The following SKAP2 variants were observed in gnomAD, a reference collection of about 807,000 sequenced individuals.
The protein encoded by SKAP2 is src kinase-associated phosphoprotein 2.
SKAP2 carries 28 observed loss-of-function variants against 54.9 expected under a neutral mutation model. The observed-to-expected ratio is 0.51, with a 90% CI of 0.38 to 0.70. SKAP2 has a LOEUF of 0.70. Among genes scored for constraint, SKAP2 ranks in the 30% least tolerant of loss-of-function variants. The pLI is 0.00. For missense variants in SKAP2, 356 were observed against 424.1 expected (o/e 0.84, Z 1.41); for synonymous variants, 137 against 134.3 (o/e 1.02, Z -0.14).
chr7:26,841,841 A>G lies in SKAP2; in HGVS notation c.307+2189T>C, dbSNP rs571955455. On this transcript the variant is annotated intron_variant, in intron 4 of 12. Coordinates refer to ENST00000345317, the MANE Select transcript of SKAP2 (RefSeq NM_003930.5). The stretch of plus-strand genomic sequence containing the variant: ...TAGATACTTTCTTAGTGCCTTCCAT[A>G]AGGTAAAAGTCAAAAGGACAAAACA... 3.3e-5 allele frequency among the ~76,000 whole-genome samples: 5 copies of G among 152,126 alleles called. No individual in the cohort carries two copies. The South Asian group carries it at 1.0e-3, about 32-fold the overall frequency.
intron 4 of SKAP2, among the ~76,000 whole-genome samples, chr7:26,760,716 CCTCAGATAAGGG>C (rs1408598623): frequency 6.6e-6 from 1 of 152,086 alleles, no homozygotes; most frequent in Non-Finnish European, 1.5e-5. Context: ...AGAAGCAAAA[CCTCAGATAAGGG>C]GTGACTACTG....
At chr7:26,730,310 C>T (rs906617127) in intron 6 of SKAP2, among the ~76,000 whole-genome samples, 1 of 152,070 alleles carries the variant, frequency 6.6e-6, no homozygotes, top group African/African-American at 2.4e-5. Flanking sequence ...TAGTAAAATG[C>T]CAATCAAATA....
intron 4 of SKAP2, among the ~76,000 whole-genome samples, chr7:26,797,437 G>A (rs569612174): frequency 2.9e-4 from 44 of 152,294 alleles, no homozygotes; most frequent in African/African-American, 1.0e-3. Context: ...GAATTCTCCC[G>A]GATCTTGTCC....
intron 4 of SKAP2, among the ~76,000 whole-genome samples, chr7:26,801,824 C>T (rs1339310973): frequency 6.6e-6 from 1 of 152,076 alleles, no homozygotes; most frequent in Non-Finnish European, 1.5e-5. Flanking sequence ...ATAATGAAAA[C>T]TATAAAATAC....
chr7:26,812,186 C>T (rs490366), intron 4 of SKAP2, among the ~76,000 whole-genome samples: 116,366 of 152,056 alleles, frequency 0.77, 44,835 homozygotes, highest in East Asian at 0.95. Flanking sequence ...TCTTTTCCCT[C>T]TTTTGGGCTC....
At chr7:26,727,094 G>A in intron 6 of SKAP2, 88 bp from the exon 7 acceptor site, 2 of 1,119,522 alleles carry the variant, frequency 1.8e-6, no homozygotes, top group Non-Finnish European at 2.5e-6. Context: ...TCAATTCTTG[G>A]AAATAACATT....
intron 4 of SKAP2, among the ~76,000 whole-genome samples, chr7:26,749,772 TAATAATAATA>T (rs1183289058): frequency 6.7e-6 from 1 of 148,842 alleles, no homozygotes; most frequent in East Asian, 2.0e-4. Context: ...ATAATAATAA[TAATAATAATA>T]ATAGGTCCTA....
the SKAP2 span, among the ~76,000 whole-genome samples, chr7:26,659,206 C>A: frequency 1.3e-5 from 2 of 152,236 alleles, no homozygotes; most frequent in East Asian, 3.9e-4. Context: ...GGCCTTAATT[C>A]TTTGTGTCTC....
At chr7:26,785,403 G>A (rs1783523792) in intron 4 of SKAP2, among the ~76,000 whole-genome samples, 1 of 152,078 alleles carries the variant, frequency 6.6e-6, no homozygotes, top group Admixed American at 6.6e-5. Flanking sequence ...AGCCAGGATG[G>A]TCTCGATCTC....
At chr7:26,842,127 A>G (rs949845191) in intron 4 of SKAP2, among the ~76,000 whole-genome samples, 4 of 151,808 alleles carry the variant, frequency 2.6e-5, no homozygotes, top group African/African-American at 9.7e-5. Context: ...TGATATTCTT[A>G]GAAGAAAATG....
downstream of SKAP2, among the ~76,000 whole-genome samples, chr7:26,663,195 A>G (rs868520653): frequency 6.6e-6 from 1 of 152,210 alleles, no homozygotes; most frequent in Middle Eastern, 3.4e-3. Flanking sequence ...GAACTTTGGT[A>G]CACCCCTTTC....
Position 26,690,316 on chromosome 7 carries a change from C to T in SKAP2, c.843G>A (p.Lys281=), listed in dbSNP as rs1439445363. ...TGTGATGGACACTATCCTGACTCATCTTCCTTTGTTCTTCCACTTTCACTG... is the reference window on the plus strand; with the variant it reads ...TGTGATGGACACTATCCTGACTCATTTTCCTTTGTTCTTCCACTTTCACTG... ...SAPVKVEEQR[K]MSQDSVHHTS... The change falls in exon 10 of 13, where the codon AAG becomes AAA. Residue 281 remains lysine (K), a synonymous_variant. Coordinates refer to ENST00000345317, the MANE Select transcript of SKAP2 (RefSeq NM_003930.5). The T allele has an allele frequency of 3.7e-6, 6 of 1,612,508 alleles. No homozygotes were observed. The African/African-American group carries it at 8.0e-5, about 22-fold the overall frequency.
At position 26,793,465 on chromosome 7, in the gene SKAP2, C is replaced by A. The variant is rs367599068; in HGVS notation, c.307+50565G>T. ...AACTCAAATTGTACAGTAGATTAAA[C>A]CACACCAAATTCTCTAGGAAAGGTT... On this transcript the variant is annotated intron_variant, in intron 4 of 12. Coordinates refer to ENST00000345317, the MANE Select transcript of SKAP2 (RefSeq NM_003930.5). Among the ~76,000 whole-genome samples the A allele has an allele frequency of 1.4e-4, 22 of 152,262 alleles. No individual in the cohort carries two copies. In the East Asian group the frequency reaches 3.1e-3, roughly 21 times the overall value.
At chr7:26,809,026 A>G (rs1201162745) in intron 4 of SKAP2, among the ~76,000 whole-genome samples, 1 of 152,226 alleles carries the variant, frequency 6.6e-6, no homozygotes, top group Non-Finnish European at 1.5e-5. Flanking sequence ...GGAATAGGAG[A>G]AAATATTTGC....
chr7:26,819,073 T>C (rs1784330226), intron 4 of SKAP2, among the ~76,000 whole-genome samples: 1 of 152,296 alleles, frequency 6.6e-6, no homozygotes, highest in Admixed American at 6.5e-5. Context: ...CATTACTGGG[T>C]ATATACCCAA....
intron 4 of SKAP2, among the ~76,000 whole-genome samples, chr7:26,818,387 G>A (rs956548758): frequency 1.3e-5 from 2 of 152,126 alleles, no homozygotes; most frequent in African/African-American, 4.8e-5. Flanking sequence ...CTAGCCATAT[G>A]CAGAAAACTG....
intron 4 of SKAP2, among the ~76,000 whole-genome samples, chr7:26,795,841 T>G (rs1313716070): frequency 6.6e-6 from 1 of 152,228 alleles, no homozygotes; most frequent in East Asian, 1.9e-4. Flanking sequence ...TATTTAGGAA[T>G]GGCTCCTTGA....
rs1026013250 is a variant in SKAP2, at chr7:26,684,105, T to A, written c.987+631A>T. Among the ~76,000 whole-genome samples the A allele has an allele frequency of 1.3e-5, 2 of 152,096 alleles. 1 individual carries two copies. Among genetic ancestry groups the A allele is most frequent in the Middle Eastern group, 6.3e-3 (2 of 316 alleles). On this transcript the variant is annotated intron_variant, in intron 11 of 12. Coordinates refer to ENST00000345317, the MANE Select transcript of SKAP2 (RefSeq NM_003930.5). Reference sequence around the variant, plus strand: ...GATCTAAGGACAAAAAGATTCTGAATAATCCAGTATTTTAAGAAGCAGACA... The same window carrying A: ...GATCTAAGGACAAAAAGATTCTGAAAAATCCAGTATTTTAAGAAGCAGACA...
Position 26,684,843 on chromosome 7 carries a change from T to C in SKAP2, c.880A>G (p.Lys294Glu). 6.3e-7 allele frequency: 1 copy of C among 1,593,248 alleles called. No individual in the cohort carries two copies. Among genetic ancestry groups the C allele is most frequent in the Non-Finnish European group, 8.6e-7 (1 of 1,162,000 alleles). The change falls in exon 11 of 13, where the codon AAG (lysine) becomes GAG (glutamate). Residue 294 changes from lysine to glutamate, a missense_variant. Transcript: ENST00000345317. ...QDSVHHTSGDKSTDYANFYQG... is the reference protein window; with the variant it reads ...QDSVHHTSGDESTDYANFYQG... ...TAAAAATTAGCATAATCAGTGCTCT[T>C]ATCCCCTAGGAAGAAGAAAGAGAAA... is the stretch of plus-strand genomic sequence containing the variant.
Sources: gnomAD v4.1 joint callset for allele counts (sites outside exome capture counted in the v4.1 genomes callset) on GRCh38, gnomAD v4.1.1 for gene constraint, MANE v1.5 for transcripts, NCBI Gene and HGNC (gene_info 2026-07-23, HGNC 2026-07-21) for gene names.